MCM9: variants seen among roughly 807,000 people sequenced by gnomAD.
MCM9 encodes DNA helicase MCM9.
A neutral mutation model predicts 72.8 loss-of-function variants in MCM9; 55 were observed. The ratio of observed to expected loss-of-function variants is 0.76; its 90% CI spans 0.61 to 0.95. The LOEUF (loss-of-function observed/expected upper bound fraction) is 0.95. Ranked by LOEUF, MCM9 falls within the 40% of genes least tolerant of loss-of-function variation. The pLI is 0.00. For synonymous variants in MCM9, 480 were observed against 503.4 expected (o/e 0.95, Z 0.62); for missense variants, 1,279 against 1,377.0 (o/e 0.93, Z 1.13).
chr6:118,857,426 T>G (rs1165442724), intron 8 of MCM9, among the ~76,000 whole-genome samples: 1 of 152,054 alleles, frequency 6.6e-6, no homozygotes, highest in African/African-American at 2.4e-5. Flanking sequence ...ATTCTAGCTG[T>G]TGAATTATAG....
chr6:118,826,515 A>C (rs1343831991), intron 12 of MCM9, among the ~76,000 whole-genome samples: 1 of 152,136 alleles, frequency 6.6e-6, no homozygotes, highest in Non-Finnish European at 1.5e-5. Context: ...GTGGGCTATG[A>C]ACATCTCTCA....
chr6:118,923,751 G>T, intron 4 of MCM9, 60 bp downstream of exon 4: 1 of 1,423,546 alleles, frequency 7.0e-7, no homozygotes. Context: ...TCCTCCCAAT[G>T]TGCCCATAGC....
chr6:118,845,189 C>CA (rs1202178145), intron 9 of MCM9, among the ~76,000 whole-genome samples: 1 of 151,798 alleles, frequency 6.6e-6, no homozygotes, highest in East Asian at 1.9e-4. Flanking sequence ...CAAACACACA[C>CA]AAAAAAATCA....
intron 8 of MCM9, chr6:118,893,926 G>GCCGCAGCCACGCCTCCCCT: frequency 1.3e-6 from 1 of 782,312 alleles, no homozygotes; most frequent in Non-Finnish European, 1.5e-6. Flanking sequence ...GCGCCCTCCC[G>GCCGCAGCCACGCCTCCCCT]CCGCAGCCAC....
chr6:118,894,876 C>T (rs1386396768), intron 8 of MCM9, among the ~76,000 whole-genome samples: 4 of 152,146 alleles, frequency 2.6e-5, no homozygotes, highest in African/African-American at 9.6e-5. Context: ...GCCTCCGCGA[C>T]CCTCCGGGCC....
At chr6:118,900,770 G>A in intron 8 of MCM9, 1 of 1,609,088 alleles carries the variant, frequency 6.2e-7, no homozygotes, top group Non-Finnish European at 8.5e-7. Flanking sequence ...CCCTAGACTT[G>A]GAATGGAAAA....
intron 8 of MCM9, chr6:118,907,409 G>C: frequency 6.3e-7 from 1 of 1,595,268 alleles, no homozygotes; most frequent in Non-Finnish European, 8.6e-7. Flanking sequence ...TAGCTTCAAA[G>C]GAATATTTTG....
chr6:118,879,417 A>G (rs1778144829), intron 8 of MCM9, among the ~76,000 whole-genome samples: 1 of 152,244 alleles, frequency 6.6e-6, no homozygotes. Flanking sequence ...AAATATCTGA[A>G]TATGATCTTA....
At position 118,816,157 on chromosome 6, in the gene MCM9, T is replaced by A; in HGVS notation, c.2099A>T (p.His700Leu). 6.4e-7 allele frequency: 1 copy of A among 1,550,504 alleles called. No individual in the cohort carries two copies. The highest frequency in any genetic ancestry group is 8.7e-7 in the Non-Finnish European group (1 of 1,146,928). Residue 700 changes from histidine (H) to leucine (L), a missense_variant, in exon 14 of 14, where the codon CAT becomes CTT. Coordinates refer to ENST00000619706, the MANE Select transcript of MCM9 (RefSeq NM_017696.3). ...SSQQEINYSTHIFSPGGSPEG... is the reference protein window; with the variant it reads ...SSQQEINYSTLIFSPGGSPEG... ...GGGGCTGCCTCCAGGAGAGAAGATATGTGTGCTATAGTTGATTTCCTGCTG... is the reference window on the plus strand; with the variant it reads ...GGGGCTGCCTCCAGGAGAGAAGATAAGTGTGCTATAGTTGATTTCCTGCTG...
Position 118,814,795 on chromosome 6 carries a change from G to A in MCM9, c.*29C>T, listed in dbSNP as rs1415590927. On this transcript the variant is annotated 3_prime_UTR_variant, in exon 14 of 14. Coordinates refer to ENST00000619706, the MANE Select transcript of MCM9 (RefSeq NM_017696.3). The stretch of plus-strand genomic sequence containing the variant: ...AAGGTCCTCTGTGGAGTTGAAGAAG[G>A]TGAGATTTGACCAGAAAGCTTTTCC... 1.4e-6 allele frequency: 2 copies of A among 1,471,540 alleles called. No homozygotes were observed. The highest frequency in any genetic ancestry group is 2.5e-5 in the East Asian group (1 of 40,338). 91.2% of individuals were successfully genotyped at this position (1,471,540 alleles called of 1,614,324 possible). A position where few individuals can be genotyped will look rare whatever the true frequency, so the allele number is the denominator to read the frequency against.
At chr6:118,923,727 T>C (rs1214190323) in intron 4 of MCM9, 84 bp downstream of exon 4, 2 of 1,177,418 alleles carry the variant, frequency 1.7e-6, no homozygotes, top group Non-Finnish European at 2.4e-6. Context: ...TTGTATCCAT[T>C]CTGTGTTCCC....
In MCM9 at chr6:118,910,116, C is replaced by CA. The variant is rs67533661; in HGVS notation, c.1150+1533dup. On this transcript the variant is annotated intron_variant, in intron 8 of 13. Transcript: ENST00000619706. Reference sequence around the variant, plus strand: ...TGGGCGACAGCACTAGACTCTATCTCAAAAAAAAAAAAAAAAAAAGACTCC... The same window carrying CA: ...TGGGCGACAGCACTAGACTCTATCTCAAAAAAAAAAAAAAAAAAAAGACTCC... 4.0e-3 allele frequency among the ~76,000 whole-genome samples: 445 copies of CA among 110,722 alleles called. 4 individuals are homozygous for CA. Among genetic ancestry groups the CA allele is most frequent in the South Asian group, 0.012 (37 of 3,122 alleles). 72.6% of individuals were successfully genotyped at this position (110,722 alleles called of 152,430 possible).
rs1773335593 is a variant in MCM9 at position 118,815,254 on chromosome 6, T to C, written c.3002A>G (p.His1001Arg). Residue 1001 changes from histidine (H) to arginine (R), a missense_variant, in exon 14 of 14, where the codon CAC (histidine) becomes CGC (arginine). His to Arg is a conservative substitution (Grantham distance 29). Coordinates refer to ENST00000619706, the MANE Select transcript of MCM9 (RefSeq NM_017696.3). ...KEVSQQPPEK[H>R]GPREKVMCAP... ...ACACATCACCTTCTCTCTTGGTCCG[T>C]GTTTCTCTGGTGGCTGCTGCGACAC... is the stretch of plus-strand genomic sequence containing the variant. 1 of 1,550,742 alleles carries C rather than the reference T, an allele frequency of 6.4e-7. No individual in the cohort carries two copies.
chr6:118,836,301 G>A (rs1774954642), intron 9 of MCM9, among the ~76,000 whole-genome samples: 1 of 152,188 alleles, frequency 6.6e-6, no homozygotes, highest in Admixed American at 6.5e-5. Context: ...ATATTGGCCT[G>A]AAATTTTCTT....
chr6:118,851,665 T>A (rs1776234931), intron 9 of MCM9, among the ~76,000 whole-genome samples: 1 of 151,798 alleles, frequency 6.6e-6, no homozygotes, highest in East Asian at 1.9e-4. Flanking sequence ...AAAGTAAAAA[T>A]TCTTACGTAA....
At chr6:118,929,790 G>A (rs1782229496) in intron 3 of MCM9, among the ~76,000 whole-genome samples, 1 of 152,132 alleles carries the variant, frequency 6.6e-6, no homozygotes, top group African/African-American at 2.4e-5. Flanking sequence ...CCGGGTAACA[G>A]AGTGAGACTC....
intron 8 of MCM9, among the ~76,000 whole-genome samples, chr6:118,857,641 A>AG (rs1776646314): frequency 6.6e-6 from 1 of 150,774 alleles, no homozygotes; most frequent in African/African-American, 2.4e-5. Context: ...AAAAAAAAAA[A>AG]AAAAAAAAGA....
rs901672093 is a variant in MCM9, at chr6:118,815,252, C to T, written c.3004G>A (p.Gly1002Arg). The change falls in exon 14 of 14, where the codon GGA becomes AGA. Residue 1002 changes from glycine to arginine, a missense_variant. Gly to Arg is a moderately radical substitution (Grantham distance 125). Transcript: ENST00000619706. ...GCACACATCACCTTCTCTCTTGGTC[C>T]GTGTTTCTCTGGTGGCTGCTGCGAC... ...EVSQQPPEKH[G>R]PREKVMCAPE... 10 of 1,550,618 alleles carry T rather than the reference C, an allele frequency of 6.4e-6. No individual in the cohort carries two copies. In the East Asian group the frequency reaches 7.3e-5, roughly 11 times the overall value.
rs1774864887 is a variant in MCM9 at position 118,835,085 on chromosome 6, A to G, written c.1326-5835T>C. ...TGCATATGGCTAGCCAGTTTTCCCAACACCATTTATTACATGAGGAATAAT... is the reference window on the plus strand; with the variant it reads ...TGCATATGGCTAGCCAGTTTTCCCAGCACCATTTATTACATGAGGAATAAT... On this transcript the variant is annotated intron_variant, in intron 9 of 13. Coordinates refer to ENST00000619706, the MANE Select transcript of MCM9 (RefSeq NM_017696.3). Among the ~76,000 whole-genome samples the G allele has an allele frequency of 2.0e-5, 3 of 152,092 alleles. No individual in the cohort carries two copies. In the South Asian group the frequency reaches 6.2e-4, roughly 32 times the overall value.
Sources: gnomAD v4.1 joint callset for allele counts (sites outside exome capture counted in the v4.1 genomes callset) on GRCh38, gnomAD v4.1.1 for gene constraint, MANE v1.5 for transcripts, NCBI Gene and HGNC (gene_info 2026-07-23, HGNC 2026-07-21) for gene names.